Variants in DAOA observed in about 807,000 individuals in gnomAD.
DAOA encodes the protein D-amino acid oxidase regulator.
Under a neutral mutation model 16.4 loss-of-function variants are expected in DAOA, and 15 were observed. That is an observed-to-expected ratio of 0.91 (90% CI 0.61 to 1.41). The LOEUF is 1.41. Ranked by LOEUF, DAOA falls within the 40% of genes most tolerant of loss-of-function variation. DAOA has a pLI of 0.00. For synonymous variants in DAOA, 75 were observed against 59.1 expected, an observed-to-expected ratio of 1.27 and a Z score of -1.23; for missense variants, 230 against 176.8, an observed-to-expected ratio of 1.30 and a Z score of -1.71.
At chr13:105,475,106 A>G in intron 4 of DAOA, 1 of 923,852 alleles carries the variant, frequency 1.1e-6, no homozygotes, top group Non-Finnish European at 1.3e-6. Flanking sequence ...TAGTGAGATA[A>G]GAAAGCAGAA....
At chr13:105,471,342 T>TAA (rs57138561) in intron 3 of DAOA, among the ~76,000 whole-genome samples, 147,406 of 152,286 alleles carry the variant, frequency 0.97, 71,517 homozygotes, top group East Asian at 1. Flanking sequence ...GTGAAGGATA[T>TAA]GAGTCGAATA....
chr13:105,470,070 A>T (rs1466044315), intron 3 of DAOA, among the ~76,000 whole-genome samples: 4 of 150,040 alleles, frequency 2.7e-5, no homozygotes. Context: ...TTTTGTCCCC[A>T]GGCTGGACAT....
At chr13:105,490,717 AAG>A (rs757280534) in intron 5 of DAOA, 193 bp from the exon 6 acceptor site, 2 of 152,170 alleles carry the variant, frequency 1.3e-5, no homozygotes, top group African/African-American at 2.4e-5. Flanking sequence ...TATTAACAAA[AAG>A]AGAAAATAAT....
At chr13:105,487,746 T>C (rs967679720) in intron 4 of DAOA, among the ~76,000 whole-genome samples, 1 of 152,208 alleles carries the variant, frequency 6.6e-6, no homozygotes, top group Non-Finnish European at 1.5e-5. Context: ...AAATAGTGAA[T>C]TCCAAATGCC....
chr13:105,474,514 G>A (rs964791642), intron 4 of DAOA, among the ~76,000 whole-genome samples: 5 of 152,148 alleles, frequency 3.3e-5, no homozygotes, highest in Middle Eastern at 3.4e-3. Context: ...CTATCAACTT[G>A]CATTTTAAAA....
intron 4 of DAOA, among the ~76,000 whole-genome samples, chr13:105,486,766 C>G (rs1454068395): frequency 6.6e-6 from 1 of 151,910 alleles, no homozygotes; most frequent in Non-Finnish European, 1.5e-5. Flanking sequence ...TTACAGGCAT[C>G]CACAACCAAG....
chr13:105,473,466 A>T (rs1197052398), intron 4 of DAOA, among the ~76,000 whole-genome samples: 2 of 152,142 alleles, frequency 1.3e-5, no homozygotes, highest in Non-Finnish European at 2.9e-5. Flanking sequence ...ATCAGTTGCA[A>T]AATATTATTT....
intron 4 of DAOA, among the ~76,000 whole-genome samples, chr13:105,474,507 T>C (rs1009041860): frequency 1.3e-5 from 2 of 152,122 alleles, no homozygotes; most frequent in Non-Finnish European, 2.9e-5. Flanking sequence ...CAATGTTCTA[T>C]CAACTTGCAT....
intron 4 of DAOA, among the ~76,000 whole-genome samples, chr13:105,479,141 T>C (rs74591596): frequency 0.037 from 5,643 of 152,278 alleles, 137 homozygotes; most frequent in South Asian, 0.063. Context: ...ACAGCCCCCA[T>C]CTTTCCATTT....
intron 4 of DAOA, among the ~76,000 whole-genome samples, chr13:105,482,839 G>T (rs1877849230): frequency 6.6e-6 from 1 of 152,086 alleles, no homozygotes; most frequent in Non-Finnish European, 1.5e-5. Flanking sequence ...TTGTGAACTT[G>T]GAAATAGGAA....
intron 4 of DAOA, among the ~76,000 whole-genome samples, chr13:105,483,568 A>G (rs9583003): frequency 0.03 from 4,591 of 151,986 alleles, 244 homozygotes; most frequent in African/African-American, 0.1. Context: ...GGGCAGTGCT[A>G]TCTTGTTATG....
chr13:105,476,322 T>A (rs1877325832), intron 4 of DAOA, among the ~76,000 whole-genome samples: 1 of 152,082 alleles, frequency 6.6e-6, no homozygotes, highest in Non-Finnish European at 1.5e-5. Flanking sequence ...AAGGAGAAAG[T>A]CATTTCCAAA....
At chr13:105,467,416 A>C (rs960825025) in intron 3 of DAOA, among the ~76,000 whole-genome samples, 7 of 152,140 alleles carry the variant, frequency 4.6e-5, no homozygotes, top group Non-Finnish European at 8.8e-5. Context: ...CAAACAAGTA[A>C]ATTTTTCCCT....
chr13:105,470,916 G>A (rs1457162711), intron 3 of DAOA, among the ~76,000 whole-genome samples: 3 of 151,910 alleles, frequency 2.0e-5, no homozygotes, highest in South Asian at 2.1e-4. Flanking sequence ...TCAACCTCCC[G>A]AGTAGCTGGG....
chr13:105,467,015 G>A (rs1876568293), intron 2 of DAOA, 38 bp from the exon 3 acceptor site: 2 of 1,599,264 alleles, frequency 1.3e-6, no homozygotes, highest in Non-Finnish European at 1.7e-6. Flanking sequence ...AGGGTATAAA[G>A]GAATCTGAAC....
intron 4 of DAOA, among the ~76,000 whole-genome samples, chr13:105,489,161 C>A (rs756369347): frequency 5.3e-5 from 8 of 152,100 alleles, no homozygotes; most frequent in Non-Finnish European, 8.8e-5. Context: ...TCTGAGCTGG[C>A]TTTTATAAAT....
At chr13:105,489,655 T>G in intron 4 of DAOA, 1 of 850,444 alleles carries the variant, frequency 1.2e-6, no homozygotes, top group Non-Finnish European at 1.7e-6. Flanking sequence ...CTACAATTCT[T>G]TATGCTTTTT....
chr13:105,477,673 G>T (rs1877432194), intron 4 of DAOA, among the ~76,000 whole-genome samples: 1 of 152,180 alleles, frequency 6.6e-6, no homozygotes, highest in African/African-American at 2.4e-5. Context: ...TCAGTGAGCC[G>T]AGATCACAGC....
At chr13:105,471,011 A>T (rs982689657) in intron 3 of DAOA, among the ~76,000 whole-genome samples, 3 of 152,004 alleles carry the variant, frequency 2.0e-5, no homozygotes, top group Admixed American at 6.5e-5. Context: ...GATGGTCTTG[A>T]TCTCCTGACC....
Sources: allele counts gnomAD v4.1 joint callset (sites outside exome capture counted in the v4.1 genomes callset), GRCh38; gene constraint gnomAD v4.1.1; transcripts MANE v1.5; gene names NCBI Gene and HGNC (gene_info 2026-07-23, HGNC 2026-07-21).